Variants in PREP observed in about 807,000 individuals in gnomAD.
PREP encodes the protein dJ355L5.1 (prolyl endopeptidase).
PREP carries 29 observed loss-of-function variants against 87.6 expected under a neutral mutation model. That is an observed-to-expected ratio of 0.33 (90% CI 0.25 to 0.45). PREP has a LOEUF of 0.45. PREP is among the 20% of genes least tolerant of loss of function. The pLI is 1.00. For missense variants in PREP, 695 were observed against 886.5 expected (o/e 0.78, Z 2.74); for synonymous variants, 337 against 328.6 (o/e 1.03, Z -0.28).
At chr6:105,397,176 C>T (rs1051871398) in intron 2 of PREP, among the ~76,000 whole-genome samples, 4 of 113,356 alleles carry the variant, frequency 3.5e-5, no homozygotes, top group Admixed American at 2.5e-4. Flanking sequence ...CAGAGTAAGA[C>T]TCTGTCTACA....
chr6:105,388,413 T>C (rs1292330871), intron 2 of PREP, among the ~76,000 whole-genome samples: 1 of 146,856 alleles, frequency 6.8e-6, no homozygotes, highest in Non-Finnish European at 1.5e-5. Flanking sequence ...CCCATTTGCC[T>C]AACTTGCCCA....
intron 11 of PREP, among the ~76,000 whole-genome samples, chr6:105,287,961 C>G (rs914394225): frequency 6.6e-6 from 1 of 152,132 alleles, no homozygotes; most frequent in Non-Finnish European, 1.5e-5. Flanking sequence ...ATCACAGAAA[C>G]AGCACACAAT....
chr6:105,342,385 A>G (rs1013747522), intron 7 of PREP, among the ~76,000 whole-genome samples: 2 of 152,204 alleles, frequency 1.3e-5, no homozygotes, highest in African/African-American at 4.8e-5. Context: ...ATGTATCTCA[A>G]AATAATAAGA....
At chr6:105,402,769 G>A (rs1489156223) in intron 1 of PREP, 78 bp downstream of exon 1, 2 of 1,354,326 alleles carry the variant, frequency 1.5e-6, no homozygotes, top group Non-Finnish European at 2.0e-6. Context: ...TACAGGAAGA[G>A]GAGCTGCGGG....
At chr6:105,338,567 C>T (rs1227689589) in intron 7 of PREP, among the ~76,000 whole-genome samples, 2 of 152,174 alleles carry the variant, frequency 1.3e-5, no homozygotes, top group Non-Finnish European at 2.9e-5. Flanking sequence ...GCCCATTGAG[C>T]ATGAGCCGAA....
chr6:105,366,155 G>A (rs1772376525), intron 6 of PREP, among the ~76,000 whole-genome samples: 1 of 152,148 alleles, frequency 6.6e-6, no homozygotes, highest in South Asian at 2.1e-4. Flanking sequence ...TACTCAGGAG[G>A]GTGAGGCAGG....
intron 12 of PREP, among the ~76,000 whole-genome samples, chr6:105,284,669 C>T (rs1041962889): frequency 6.6e-6 from 1 of 152,142 alleles, no homozygotes; most frequent in Non-Finnish European, 1.5e-5. Context: ...CTCCCTCCCC[C>T]AAAGACACAG....
chr6:105,382,835 C>G (rs1224995361), intron 2 of PREP, among the ~76,000 whole-genome samples: 1 of 152,174 alleles, frequency 6.6e-6, no homozygotes, highest in Non-Finnish European at 1.5e-5. Flanking sequence ...CCAATGAAAA[C>G]TAAGAGTGGT....
intron 7 of PREP, among the ~76,000 whole-genome samples, chr6:105,333,781 C>T (rs529259029): frequency 1.4e-4 from 21 of 152,268 alleles, no homozygotes; most frequent in African/African-American, 5.1e-4. Context: ...CTAACTGAGC[C>T]GGCCTCAAAT....
intron 6 of PREP, among the ~76,000 whole-genome samples, chr6:105,357,827 T>C (rs1041610208): frequency 1.3e-5 from 2 of 151,776 alleles, no homozygotes; most frequent in Non-Finnish European, 2.9e-5. Flanking sequence ...AAAAGCCAGA[T>C]TTAAAAAAAG....
At chr6:105,316,568 C>G (rs998181388) in intron 10 of PREP, among the ~76,000 whole-genome samples, 1 of 152,104 alleles carries the variant, frequency 6.6e-6, no homozygotes, top group Non-Finnish European at 1.5e-5. Flanking sequence ...TTCAAACCTT[C>G]AGTTTTTAAA....
At chr6:105,397,290 G>A (rs1773312040) in intron 2 of PREP, among the ~76,000 whole-genome samples, 1 of 151,932 alleles carries the variant, frequency 6.6e-6, no homozygotes, top group Admixed American at 6.6e-5. Context: ...ATTACTGAAT[G>A]GACTTCAGCA....
At position 105,281,887 on chromosome 6, in the gene PREP, T is replaced by C; in HGVS notation, c.1697A>G (p.Gln566Arg). The C allele has an allele frequency of 1.2e-6, 2 of 1,613,856 alleles. No homozygotes were observed. Among genetic ancestry groups the C allele is most frequent in the Non-Finnish European group, 1.7e-6 (2 of 1,179,942 alleles). ...GGLLVAACAN[Q>R]RPDLFGCVIA... is the part of the protein sequence containing the mutation. Reference sequence around the variant, plus strand: ...AACACAACCAAAGAGGTCAGGTCTCTGATTTGCACAAGCAGCTAAAAGCCC... The same window carrying C: ...AACACAACCAAAGAGGTCAGGTCTCCGATTTGCACAAGCAGCTAAAAGCCC... The change falls in exon 14 of 15, where the codon CAG becomes CGG. Residue 566 changes from glutamine (Q) to arginine (R), a missense_variant. By Grantham distance (43) the Gln-to-Arg change is conservative. This residue lies in a region of PREP where 20 missense variants were observed against 58.9 expected (regional missense o/e 0.34). Transcript: ENST00000652536.
chr6:105,385,214 C>A (rs1357704723), intron 2 of PREP, among the ~76,000 whole-genome samples: 7 of 127,470 alleles, frequency 5.5e-5, no homozygotes, highest in African/African-American at 1.5e-4. Flanking sequence ...TTTAAAATAA[C>A]AAGAGAAAAT....
At chr6:105,382,213 C>G (rs1277672423) in intron 2 of PREP, among the ~76,000 whole-genome samples, 2 of 148,676 alleles carry the variant, frequency 1.3e-5, no homozygotes, top group South Asian at 2.1e-4. Context: ...TTCAAGAGAT[C>G]TATTGTACAA....
At chr6:105,384,043 G>A (rs1772920355) in intron 2 of PREP, among the ~76,000 whole-genome samples, 1 of 152,164 alleles carries the variant, frequency 6.6e-6, no homozygotes, top group Non-Finnish European at 1.5e-5. Flanking sequence ...CACACATTAA[G>A]TTTCATGGGA....
At chr6:105,312,306 A>G (rs1026717841) in intron 10 of PREP, among the ~76,000 whole-genome samples, 10 of 152,226 alleles carry the variant, frequency 6.6e-5, no homozygotes, top group Non-Finnish European at 1.3e-4. Context: ...GGCTAGGAGG[A>G]AACAAAGAGT....
intron 6 of PREP, among the ~76,000 whole-genome samples, chr6:105,356,571 A>T (rs545913896): frequency 1.3e-5 from 2 of 152,254 alleles, no homozygotes; most frequent in Admixed American, 1.3e-4. Context: ...AGTCTCCCTG[A>T]TTTCCAATCT....
chr6:105,305,281 G>T (rs1770630029), intron 10 of PREP, among the ~76,000 whole-genome samples: 1 of 152,164 alleles, frequency 6.6e-6, no homozygotes, highest in Non-Finnish European at 1.5e-5. Flanking sequence ...AGAGGCAGAT[G>T]TTAGTGGGGA....
Sources: gnomAD v4.1 joint callset for allele counts (sites outside exome capture counted in the v4.1 genomes callset) on GRCh38, gnomAD v4.1.1 for gene constraint, gnomAD v4.1.1 regional missense constraint, MANE v1.5 for transcripts, NCBI Gene and HGNC (gene_info 2026-07-23, HGNC 2026-07-21) for gene names.